CCDC171: variants seen among roughly 807,000 people sequenced by gnomAD.
CCDC171 encodes coiled-coil domain containing 171.
Under a neutral mutation model 168.2 loss-of-function variants are expected in CCDC171, and 177 were observed. That is an observed-to-expected ratio of 1.05 (90% CI 0.93 to 1.19). CCDC171 has a LOEUF of 1.19. CCDC171 is among the 50% of genes most tolerant of loss of function. The pLI, the probability that CCDC171 is intolerant of heterozygous loss-of-function variation, is 0.00. For synonymous variants in CCDC171, 687 were observed against 540.8 expected (o/e 1.27, Z -3.75); for missense variants, 1,991 against 1,539.0 (o/e 1.29, Z -4.91).
intron 7 of CCDC171, among the ~76,000 whole-genome samples, chr9:15,631,238 T>G (rs1447273790): frequency 1.3e-5 from 2 of 151,488 alleles, no homozygotes; most frequent in African/African-American, 4.9e-5. Context: ...CAGAAGCTGG[T>G]TTTTTGAAAA....
intron 7 of CCDC171, among the ~76,000 whole-genome samples, chr9:15,637,593 G>A (rs947564274): frequency 1.3e-4 from 20 of 150,528 alleles, no homozygotes; most frequent in African/African-American, 4.2e-4. Flanking sequence ...AGCATTAGGT[G>A]TATCTCCTCA....
At chr9:15,754,796 A>G (rs1363002510) in intron 18 of CCDC171, among the ~76,000 whole-genome samples, 7 of 152,152 alleles carry the variant, frequency 4.6e-5, no homozygotes, top group African/African-American at 1.7e-4. Flanking sequence ...ACATTTTTAA[A>G]GTGCTTAGAA....
intron 4 of CCDC171, among the ~76,000 whole-genome samples, chr9:15,587,934 TATTAGAA>T (rs1377921043): frequency 6.6e-6 from 1 of 152,168 alleles, no homozygotes; most frequent in African/African-American, 2.4e-5. Context: ...AGATGAAATC[TATTAGAA>T]ATTAAAAATA....
chr9:15,956,260 G>A (rs1404696219), intron 25 of CCDC171, among the ~76,000 whole-genome samples: 2 of 152,156 alleles, frequency 1.3e-5, no homozygotes, highest in African/African-American at 4.8e-5. Flanking sequence ...TGCTTTGCCT[G>A]GTGTGAAATA....
chr9:16,033,569 T>TA (rs1465291433), intron 6 of CCDC171, among the ~76,000 whole-genome samples: 3 of 152,198 alleles, frequency 2.0e-5, no homozygotes, highest in Non-Finnish European at 4.4e-5. Flanking sequence ...GGGCTCCCAC[T>TA]GATTCTACAT....
At chr9:15,808,039 C>T (rs2059157951) in intron 21 of CCDC171, among the ~76,000 whole-genome samples, 1 of 151,888 alleles carries the variant, frequency 6.6e-6, no homozygotes, top group Admixed American at 6.6e-5. Flanking sequence ...AAGGGTTAAT[C>T]TGGTTCCTGT....
rs113743078 is a variant in CCDC171, at chr9:15,698,680, C to T, written c.1318+3343C>T. 5.9e-3 allele frequency among the ~76,000 whole-genome samples: 892 copies of T among 152,024 alleles called. 4 individuals carry two copies. Among genetic ancestry groups the T allele is most frequent in the Non-Finnish European group, 1.0e-2 (678 of 67,982 alleles). On this transcript the variant is annotated intron_variant, in intron 11 of 25. Transcript: ENST00000380701. The stretch of plus-strand genomic sequence containing the variant: ...GTATTCCATTATGTGTCTGTATGTG[C>T]GTGTATATGTATGTATATACACACA...
chr9:16,086,332 G>A, the CCDC171 span, among the ~76,000 whole-genome samples: 12 of 150,224 alleles, frequency 8.0e-5, no homozygotes, highest in African/African-American at 2.7e-4. Flanking sequence ...TTTTGAGATG[G>A]GGTCTTGCTC....
the CCDC171 span, among the ~76,000 whole-genome samples, chr9:16,076,493 A>G: frequency 1.8e-4 from 28 of 152,142 alleles, no homozygotes; most frequent in African/African-American, 6.5e-4. Flanking sequence ...CAGAAGCAGA[A>G]GCCTTACCTG....
chr9:15,671,257 C>T (rs1000889895), intron 9 of CCDC171, among the ~76,000 whole-genome samples: 7 of 152,010 alleles, frequency 4.6e-5, no homozygotes, highest in African/African-American at 1.2e-4. Context: ...ACCTCAGAGA[C>T]GCTATCATTT....
chr9:15,979,475 T>C (rs1290812461), intron 3 of CCDC171, among the ~76,000 whole-genome samples: 6 of 152,164 alleles, frequency 3.9e-5, no homozygotes. Context: ...ATTTTTAGTT[T>C]TGTTGGCTGT....
intron 4 of CCDC171, among the ~76,000 whole-genome samples, chr9:15,585,904 A>C (rs1057227217): frequency 6.6e-6 from 1 of 152,196 alleles, no homozygotes; most frequent in Admixed American, 6.5e-5. Flanking sequence ...TGAACCAAGG[A>C]GACAGAAGTT....
chr9:15,857,194 A>G (rs931504966), intron 23 of CCDC171, among the ~76,000 whole-genome samples: 60 of 151,676 alleles, frequency 4.0e-4, no homozygotes, highest in African/African-American at 1.4e-3. Flanking sequence ...GATTATTATT[A>G]TTATTATTTT....
At chr9:15,606,120 A>G (rs2043209392) in intron 6 of CCDC171, among the ~76,000 whole-genome samples, 2 of 152,200 alleles carry the variant, frequency 1.3e-5, no homozygotes, top group African/African-American at 4.8e-5. Flanking sequence ...AGTAATGTGA[A>G]TGTGGTCTTT....
chr9:15,764,236 T>G (rs1365947194), intron 18 of CCDC171, among the ~76,000 whole-genome samples: 2 of 152,194 alleles, frequency 1.3e-5, no homozygotes, highest in African/African-American at 4.8e-5. Flanking sequence ...ACTTTAGATT[T>G]TATTCAGGAT....
chr9:15,691,933 C>T (rs2050829681), intron 10 of CCDC171, among the ~76,000 whole-genome samples: 1 of 152,116 alleles, frequency 6.6e-6, no homozygotes, highest in Admixed American at 6.5e-5. Context: ...CTTGGCCTCC[C>T]AAAGTGCTGG....
chr9:15,633,978 A>G lies in CCDC171; in HGVS notation c.822+10565A>G, dbSNP rs1338461999. On this transcript the variant is annotated intron_variant, in intron 7 of 25. Coordinates refer to ENST00000380701, the MANE Select transcript of CCDC171 (RefSeq NM_173550.4). Reference sequence around the variant, plus strand: ...TCATAGGTGGGAATTGAACAATGAGAACACATGGACACAGGGAAGGGGAAC... The same window carrying G: ...TCATAGGTGGGAATTGAACAATGAGGACACATGGACACAGGGAAGGGGAAC... Among the ~76,000 whole-genome samples the G allele has an allele frequency of 2.0e-5, 3 of 152,162 alleles. No individual in the cohort carries two copies. The East Asian group carries it at 5.8e-4, about 29-fold the overall frequency.
chr9:15,827,769 G>A (rs2060074704), intron 21 of CCDC171, among the ~76,000 whole-genome samples: 3 of 152,110 alleles, frequency 2.0e-5, no homozygotes, highest in Admixed American at 2.0e-4. Flanking sequence ...GGCCACTTGA[G>A]TTCAAAGACC....
Position 15,638,808 on chromosome 9 carries a change from C to T in CCDC171, c.822+15395C>T, listed in dbSNP as rs911265146. On this transcript the variant is annotated intron_variant, in intron 7 of 25. Transcript: ENST00000380701. ...CCAATCCAATTTTATAAATGCAGTA[C>T]TGGATACCATAGAATCAAGGGAAAA... is the stretch of plus-strand genomic sequence containing the variant. Among the ~76,000 whole-genome samples the T allele has an allele frequency of 2.0e-5, 3 of 151,770 alleles. No individual in the cohort carries two copies. The East Asian group carries it at 5.8e-4, about 29-fold the overall frequency.
Sources: allele counts gnomAD v4.1 joint callset (sites outside exome capture counted in the v4.1 genomes callset), GRCh38; gene constraint gnomAD v4.1.1; transcripts MANE v1.5; gene names NCBI Gene and HGNC (gene_info 2026-07-23, HGNC 2026-07-21).